Variants in CNTNAP2 observed in about 807,000 individuals in gnomAD.
The protein encoded by CNTNAP2 is contactin associated protein 2.
CNTNAP2 carries 98 observed loss-of-function variants against 155.2 expected under a neutral mutation model. The ratio of observed to expected loss-of-function variants is 0.63; its 90% confidence interval spans 0.54 to 0.75. The LOEUF (loss-of-function observed/expected upper bound fraction) is 0.75, where lower values mean the gene tolerates loss of function less well. Ranked by LOEUF, CNTNAP2 falls within the 30% of genes least tolerant of loss-of-function variation. The pLI is 0.00. For missense variants in CNTNAP2, 1,727 were observed against 1,688.1 expected, an observed-to-expected ratio of 1.02 and a Z score of -0.40; for synonymous variants, 651 against 631.2, an observed-to-expected ratio of 1.03 and a Z score of -0.47.
intron 10 of CNTNAP2, among the ~76,000 whole-genome samples, chr7:147,451,765 C>CA (rs113417672): frequency 0.19 from 20,458 of 108,050 alleles, 1,544 homozygotes; most frequent in East Asian, 0.37. Context: ...TTGTTTCTTC[C>CA]AAAAAAAAAA....
intron 3 of CNTNAP2, among the ~76,000 whole-genome samples, chr7:147,007,844 CA>C (rs200826381): frequency 7.3e-5 from 11 of 151,442 alleles, no homozygotes; most frequent in African/African-American, 1.5e-4. Flanking sequence ...AAGTAAATTA[CA>C]AAAAAAATAC....
Position 148,111,354 on chromosome 7 carries a change from T to G in CNTNAP2, c.2384-6764T>G, listed in dbSNP as rs759320627. On this transcript the variant is annotated intron_variant, in intron 15 of 23. Transcript: ENST00000361727. ...CAAGAGAAGATATTGAGATATTGCCTCCAAAAAAATTAGAATGGGGTGCTA... is the reference window on the plus strand; with the variant it reads ...CAAGAGAAGATATTGAGATATTGCCGCCAAAAAAATTAGAATGGGGTGCTA... Among the ~76,000 whole-genome samples the G allele has an allele frequency of 1.0e-3, 157 of 151,924 alleles. 1 individual carries two copies. Among genetic ancestry groups the G allele is most frequent in the Non-Finnish European group, 1.0e-4 (7 of 67,986 alleles).
At chr7:148,181,493 C>T (rs1795037281) in intron 18 of CNTNAP2, among the ~76,000 whole-genome samples, 1 of 152,094 alleles carries the variant, frequency 6.6e-6, no homozygotes, top group Admixed American at 6.5e-5. Context: ...GAGATAGCTG[C>T]CAAGTTTAAG....
chr7:147,017,404 G>C (rs1215364946), intron 3 of CNTNAP2, among the ~76,000 whole-genome samples: 1 of 151,866 alleles, frequency 6.6e-6, no homozygotes, highest in Non-Finnish European at 1.5e-5. Context: ...ACTAGCAATT[G>C]TAATTATTGT....
intron 1 of CNTNAP2, among the ~76,000 whole-genome samples, chr7:146,441,674 C>T (rs539985637): frequency 2.0e-5 from 3 of 151,490 alleles, no homozygotes; most frequent in African/African-American, 7.3e-5. Context: ...TGGGTTTTTG[C>T]CAGTTCCCAA....
intron 8 of CNTNAP2, among the ~76,000 whole-genome samples, chr7:147,297,034 A>C (rs978900745): frequency 6.6e-6 from 1 of 152,216 alleles, no homozygotes. Context: ...TGGACTTAGG[A>C]TGATGGGGAT....
At chr7:147,957,976 G>T (rs1801049407) in intron 14 of CNTNAP2, among the ~76,000 whole-genome samples, 1 of 152,160 alleles carries the variant, frequency 6.6e-6, no homozygotes, top group Admixed American at 6.5e-5. Context: ...TTGGAAGGCT[G>T]AGATGGAAGG....
At chr7:146,242,908 T>C (rs1405066662) in intron 1 of CNTNAP2, among the ~76,000 whole-genome samples, 1 of 152,214 alleles carries the variant, frequency 6.6e-6, no homozygotes, top group Non-Finnish European at 1.5e-5. Context: ...AAGGTAATAA[T>C]TTCAAGAAGC....
chr7:147,090,351 G>C (rs978623503), intron 4 of CNTNAP2, among the ~76,000 whole-genome samples: 4 of 148,476 alleles, frequency 2.7e-5, no homozygotes, highest in African/African-American at 4.9e-5. Context: ...GTGTGTGTGT[G>C]TTACAATTCT....
At chr7:146,327,998 CT>C (rs1282660631) in intron 1 of CNTNAP2, among the ~76,000 whole-genome samples, 1 of 152,170 alleles carries the variant, frequency 6.6e-6, no homozygotes, top group East Asian at 1.9e-4. Context: ...TCAGTTTAAT[CT>C]GTGTCTTCAA....
At chr7:147,020,785 G>T (rs1354261179) in intron 3 of CNTNAP2, among the ~76,000 whole-genome samples, 1 of 152,062 alleles carries the variant, frequency 6.6e-6, no homozygotes, top group Non-Finnish European at 1.5e-5. Flanking sequence ...CATAGTTTCA[G>T]AAGTCAATTG....
intron 22 of CNTNAP2, among the ~76,000 whole-genome samples, chr7:148,401,031 G>GA (rs904956123): frequency 6.6e-6 from 1 of 151,690 alleles, no homozygotes; most frequent in African/African-American, 2.4e-5. Flanking sequence ...ACAATGACAA[G>GA]AAAAAAATAT....
intron 15 of CNTNAP2, among the ~76,000 whole-genome samples, chr7:148,030,846 G>A (rs146858906): frequency 0.012 from 1,754 of 152,220 alleles, 30 homozygotes; most frequent in African/African-American, 0.039. Context: ...CTGAAATCTG[G>A]GAGAGCAGTT....
chr7:148,210,688 G>A (rs183348632), intron 18 of CNTNAP2, among the ~76,000 whole-genome samples: 120 of 152,280 alleles, frequency 7.9e-4, no homozygotes, highest in Middle Eastern at 3.4e-3. Flanking sequence ...AGAAGTGACC[G>A]GGCCTTTGGA....
intron 13 of CNTNAP2, among the ~76,000 whole-genome samples, chr7:147,854,548 A>G (rs1387461012): frequency 1.3e-5 from 2 of 152,166 alleles, no homozygotes; most frequent in Non-Finnish European, 2.9e-5. Context: ...TTTAGAAAAT[A>G]TAAAACTCCC....
At chr7:146,245,860 G>C (rs1388513758) in intron 1 of CNTNAP2, among the ~76,000 whole-genome samples, 2 of 146,766 alleles carry the variant, frequency 1.4e-5, no homozygotes, top group African/African-American at 5.5e-5. Flanking sequence ...AGTAAAGAAA[G>C]CATGTTTGAG....
chr7:147,983,421 T>C (rs1009764672), intron 15 of CNTNAP2, among the ~76,000 whole-genome samples: 1 of 151,146 alleles, frequency 6.6e-6, no homozygotes, highest in Non-Finnish European at 1.5e-5. Context: ...CCTTAATAGG[T>C]GATACTGTTG....
chr7:147,939,883 G>A (rs1354432691), intron 14 of CNTNAP2: 3 of 151,802 alleles, frequency 2.0e-5, no homozygotes, highest in Non-Finnish European at 2.9e-5. Flanking sequence ...TCCCCACTTG[G>A]GTCTGAGAGT....
chr7:147,785,165 A>G (rs908046853), intron 13 of CNTNAP2, among the ~76,000 whole-genome samples: 3 of 152,162 alleles, frequency 2.0e-5, no homozygotes, highest in Admixed American at 6.5e-5. Flanking sequence ...TGTACAGTTG[A>G]TGGAAACCTG....
Sources: gnomAD v4.1 joint callset for allele counts (sites outside exome capture counted in the v4.1 genomes callset) on GRCh38, gnomAD v4.1.1 for gene constraint, MANE v1.5 for transcripts, NCBI Gene and HGNC (gene_info 2026-07-23, HGNC 2026-07-21) for gene names.